WNT4: variants seen among roughly 807,000 people sequenced by gnomAD.
WNT4 encodes Wnt family member 4.
In WNT4, 16 loss-of-function variants were observed where a neutral mutation model predicts 34.5. The ratio of observed to expected loss-of-function variants is 0.46; its 90% CI spans 0.31 to 0.70. The LOEUF (loss-of-function observed/expected upper bound fraction) is 0.70. WNT4 is among the 30% of genes least tolerant of loss of function. The probability of loss-of-function intolerance (pLI) is 0.04; values close to 1 mark genes in which losing one functional copy is unlikely to be tolerated. For synonymous variants in WNT4, 200 were observed against 211.9 expected (o/e 0.94, Z 0.49); for missense variants, 379 against 495.9 (o/e 0.76, Z 2.24).
intron 2 of WNT4, among the ~76,000 whole-genome samples, chr1:22,122,014 T>C (rs1360479963): frequency 6.6e-6 from 1 of 152,178 alleles, no homozygotes; most frequent in African/African-American, 2.4e-5. Context: ...AGAGGTGAAC[T>C]GGCTTGCCAA....
At chr1:22,124,397 C>T (rs555018488) in intron 2 of WNT4, among the ~76,000 whole-genome samples, 2 of 152,348 alleles carry the variant, frequency 1.3e-5, no homozygotes, top group African/African-American at 2.4e-5. Flanking sequence ...TGGCCTCTGA[C>T]GTCACAGGCC....
intron 2 of WNT4, chr1:22,127,147 C>T (rs2235528): frequency 0.036 from 14,203 of 391,142 alleles, 606 homozygotes; most frequent in East Asian, 0.2. Context: ...TGGCACCTGC[C>T]GAGTGTGACT....
At chr1:22,129,537 T>C in intron 2 of WNT4, 79 bp downstream of exon 2, 1 of 1,477,622 alleles carries the variant, frequency 6.8e-7, no homozygotes. Context: ...GTCCCGTTGC[T>C]CACGAGCGTC....
At chr1:22,121,054 C>T (rs1040978980) in intron 4 of WNT4, among the ~76,000 whole-genome samples, 157 bp downstream of exon 4, 1 of 152,200 alleles carries the variant, frequency 6.6e-6, no homozygotes, top group Non-Finnish European at 1.5e-5. Context: ...CTGTACCCCC[C>T]TCTGGCCTGT....
chr1:22,129,444 G>A (rs1645965429), intron 2 of WNT4, among the ~76,000 whole-genome samples, 172 bp downstream of exon 2: 1 of 152,192 alleles, frequency 6.6e-6, no homozygotes, highest in African/African-American at 2.4e-5. Flanking sequence ...TCATCCTCCT[G>A]TCCTGGGGCC....
At position 22,140,302 on chromosome 1, in the gene WNT4, A is replaced by G; in HGVS notation, c.77+2544T>C. ...TTTCAGTCGGACACCTCTGGCATTT[A>G]CCAGCTGGGTGACTTGGGCAGTTAC... is the stretch of plus-strand genomic sequence containing the variant. On this transcript the variant is annotated intron_variant, in intron 1 of 4. Coordinates refer to ENST00000290167, the MANE Select transcript of WNT4 (RefSeq NM_030761.5). This position sits in a 1 kb window ranked among gnomAD's most constrained non-coding sequence, Gnocchi z 5.9. 1 of 985,240 alleles carries G rather than the reference A, an allele frequency of 1.0e-6. No individual in the cohort carries two copies. Among genetic ancestry groups the G allele is most frequent in the Non-Finnish European group, 1.2e-6 (1 of 829,728 alleles). The allele number at this position is 985,240 out of a possible 1,614,324, so 61.0% of individuals were successfully genotyped here. A position where few individuals can be genotyped will look rare whatever the true frequency, so the allele number is the denominator to read the frequency against.
At chr1:22,131,190 C>T (rs2124121328) in intron 1 of WNT4, among the ~76,000 whole-genome samples, 1 of 152,372 alleles carries the variant, frequency 6.6e-6, no homozygotes, top group Non-Finnish European at 1.5e-5. Flanking sequence ...GTTTGTTCAA[C>T]CCAAAGATGC....
At chr1:22,127,734 T>C (rs1489941141) in intron 2 of WNT4, among the ~76,000 whole-genome samples, 2 of 152,196 alleles carry the variant, frequency 1.3e-5, no homozygotes, top group Non-Finnish European at 2.9e-5. Context: ...TGTCCTACTT[T>C]TGCAACTCTT....
At position 22,142,865 on chromosome 1, in the gene WNT4, C is replaced by A; in HGVS notation, c.58G>T (p.Ala20Ser). ...LRLLVFAVFS[A>S]AASNWLYLAK... ...ACTTACAGCCAGTTGCTCGCGGCGG[C>A]TGAGAAGACGGCGAAGACGAGGAGG... The change falls in exon 1 of 5, where the codon GCC becomes TCC. Residue 20 changes from alanine to serine, a missense_variant. Transcript: ENST00000290167. The surrounding 1 kb of genome is among the most constrained non-coding windows in gnomAD (Gnocchi z 6.0). The A allele has an allele frequency of 8.2e-7, 1 of 1,213,076 alleles. No homozygotes were observed. Among genetic ancestry groups the A allele is most frequent in the South Asian group, 1.4e-5 (1 of 73,290 alleles). 75.1% of individuals were successfully genotyped at this position (1,213,076 alleles called of 1,614,324 possible). A position where few individuals can be genotyped will look rare whatever the true frequency, so the allele number is the denominator to read the frequency against.
chr1:22,120,615 G>A (rs1645889348), intron 4 of WNT4, 98 bp from the exon 5 acceptor site: 1 of 1,236,514 alleles, frequency 8.1e-7, no homozygotes, highest in Non-Finnish European at 1.1e-6. Context: ...GGTCCCTGGG[G>A]CTGACGCTGC....
At position 22,140,181 on chromosome 1, in the gene WNT4, G is replaced by C. The variant is rs1646055446; in HGVS notation, c.77+2665C>G. ...GCTGTCAGCTATCCTCTCGGGGCCA[G>C]GCCTCCTCATACCTCACACTTGAAA... On this transcript the variant is annotated intron_variant, in intron 1 of 4. Transcript: ENST00000290167. The surrounding 1 kb of genome is among the most constrained non-coding windows in gnomAD (Gnocchi z 5.9). The C allele has an allele frequency of 1.0e-6, 1 of 985,304 alleles. No individual in the cohort carries two copies. Among genetic ancestry groups the C allele is most frequent in the African/African-American group, 1.7e-5 (1 of 57,252 alleles). 61.0% of individuals were successfully genotyped at this position (985,304 alleles called of 1,614,324 possible).
In WNT4 at chr1:22,121,430, A is replaced by G. The variant is rs1570089039; in HGVS notation, c.445+15T>C. On this transcript the variant is annotated intron_variant, in intron 3 of 4. Coordinates refer to ENST00000290167, the MANE Select transcript of WNT4 (RefSeq NM_030761.5). Reference sequence around the variant, plus strand: ...AGCCCCCTGCCCTCCCACTCTGACCACCTCCTGCACCTACCCTGTGGGCTG... The same window carrying G: ...AGCCCCCTGCCCTCCCACTCTGACCGCCTCCTGCACCTACCCTGTGGGCTG... The G allele has an allele frequency of 1.2e-6, 2 of 1,613,704 alleles. No homozygotes were observed. The highest frequency in any genetic ancestry group is 1.7e-5 in the Admixed American group (1 of 60,008).
rs947869091 is a variant in WNT4, at chr1:22,142,773, C to G, written c.77+73G>C. 13 of 950,698 alleles carry G rather than the reference C, an allele frequency of 1.4e-5. No individual in the cohort carries two copies. The highest frequency in any genetic ancestry group is 1.8e-5 in the African/African-American group (1 of 55,456). 58.9% of individuals were successfully genotyped at this position (950,698 alleles called of 1,614,324 possible). ...CTGCCCCGCGCCCGCTGCCCCGCGCCGCCTGGCACCGGCCGCTGCCCCCGG... is the reference window on the plus strand; with the variant it reads ...CTGCCCCGCGCCCGCTGCCCCGCGCGGCCTGGCACCGGCCGCTGCCCCCGG... On this transcript the variant is annotated intron_variant, in intron 1 of 4. Coordinates refer to ENST00000290167, the MANE Select transcript of WNT4 (RefSeq NM_030761.5). The surrounding 1 kb of genome is among the most constrained non-coding windows in gnomAD (Gnocchi z 6.0).
In WNT4 at chr1:22,118,497, A is replaced by AG; in HGVS notation, c.*1552dup. 6.6e-6 allele frequency: 1 copy of AG among 152,370 alleles called. No individual in the cohort carries two copies. The highest frequency in any genetic ancestry group is 1.9e-4 in the East Asian group (1 of 5,198). 9.4% of individuals were successfully genotyped at this position (152,370 alleles called of 1,614,324 possible). ...GATGGTTTGGCGGTTGTACAGGGTC[A>AG]GGCCCAGGTTGCTGGTGCTGTCTCT... On this transcript the variant is annotated 3_prime_UTR_variant, in exon 5 of 5. Coordinates refer to ENST00000290167, the MANE Select transcript of WNT4 (RefSeq NM_030761.5).
chr1:22,129,583 G>T, intron 2 of WNT4, 33 bp downstream of exon 2: 1 of 1,599,776 alleles, frequency 6.3e-7, no homozygotes, highest in South Asian at 1.1e-5. Flanking sequence ...GGCACCGCAG[G>T]CTCCCCTGCA....
intron 1 of WNT4, among the ~76,000 whole-genome samples, chr1:22,131,792 C>T (rs908713877): frequency 6.6e-6 from 1 of 152,228 alleles, no homozygotes; most frequent in African/African-American, 2.4e-5. Flanking sequence ...CCTCCCCACC[C>T]CCTGCATTCC....
Position 22,121,444 on chromosome 1 carries a change from C to T in WNT4, c.445+1G>A. ...CCACTCTGACCACCTCCTGCACCTA[C>T]CCTGTGGGCTGACCCCATGCACTGT... On this transcript the variant is annotated splice_donor_variant, in intron 3 of 4. Transcript: ENST00000290167. LOFTEE classifies it high-confidence loss of function. 1.2e-6 allele frequency: 2 copies of T among 1,614,006 alleles called. No homozygotes were observed. The highest frequency in any genetic ancestry group is 1.1e-5 in the South Asian group (1 of 91,090).
intron 1 of WNT4, among the ~76,000 whole-genome samples, chr1:22,131,144 GAAT>G (rs1161219494): frequency 1.6e-4 from 24 of 152,254 alleles, no homozygotes; most frequent in Non-Finnish European, 1.5e-5. Context: ...TCAAAGACTA[GAAT>G]TGACACTGTG....
intron 1 of WNT4, among the ~76,000 whole-genome samples, chr1:22,131,986 G>A (rs1012334568): frequency 1.3e-5 from 2 of 152,288 alleles, no homozygotes; most frequent in East Asian, 1.9e-4. Flanking sequence ...GGGCCCACCC[G>A]GCTTCTCAGC....
Sources: gnomAD v4.1 joint callset for allele counts (sites outside exome capture counted in the v4.1 genomes callset) on GRCh38, gnomAD v4.1.1 for gene constraint, Gnocchi (gnomAD v3.1) non-coding constraint, MANE v1.5 for transcripts, NCBI Gene and HGNC (gene_info 2026-07-23, HGNC 2026-07-21) for gene names.